Variants in PDE7B observed in about 807,000 individuals in gnomAD.
PDE7B encodes 3',5'-cyclic-AMP phosphodiesterase 7B.
PDE7B carries 29 observed loss-of-function variants against 56.2 expected under a neutral mutation model. The ratio of observed to expected loss-of-function variants is 0.52; its 90% CI spans 0.38 to 0.70. PDE7B has a LOEUF of 0.70. PDE7B is among the 30% of genes least tolerant of loss of function. The pLI, the probability that PDE7B is intolerant of heterozygous loss-of-function variation, is 0.00. For synonymous variants in PDE7B, 197 were observed against 196.9 expected, an observed-to-expected ratio of 1.00 and a Z score of 0.00; for missense variants, 490 against 565.0, an observed-to-expected ratio of 0.87 and a Z score of 1.35.
rs140256372 is a variant in PDE7B at position 135,882,764 on chromosome 6, T to C, written c.21+30745T>C. The stretch of plus-strand genomic sequence containing the variant: ...GACTTGTAATTTCTATTTTGTTAAC[T>C]ATATCTGTTATGCTGAGAATAACAG... On this transcript the variant is annotated intron_variant, in intron 1 of 12. Transcript: ENST00000308191. Among the ~76,000 whole-genome samples, 47 of 152,346 alleles carry C rather than the reference T, an allele frequency of 3.1e-4. 1 individual carries two copies. The highest frequency in any genetic ancestry group is 1.0e-3 in the African/African-American group (42 of 41,586).
intron 1 of PDE7B, among the ~76,000 whole-genome samples, chr6:135,939,356 G>A (rs1478394743): frequency 6.6e-6 from 1 of 152,128 alleles, no homozygotes. Flanking sequence ...GGACGATGAG[G>A]CCCTGATTTG....
At chr6:135,861,108 G>A (rs1056783633) in intron 1 of PDE7B, among the ~76,000 whole-genome samples, 1 of 151,758 alleles carries the variant, frequency 6.6e-6, no homozygotes, top group African/African-American at 2.4e-5. Context: ...TGAATACACG[G>A]TATTTACCAT....
chr6:135,933,724 A>AAC (rs1774334265), intron 1 of PDE7B, among the ~76,000 whole-genome samples: 1 of 151,876 alleles, frequency 6.6e-6, no homozygotes, highest in Admixed American at 6.6e-5. Context: ...TTAAATGATG[A>AAC]ATATGTCATA....
intron 1 of PDE7B, among the ~76,000 whole-genome samples, chr6:135,899,102 A>G (rs1775952853): frequency 1.3e-5 from 2 of 152,098 alleles, no homozygotes; most frequent in African/African-American, 4.8e-5. Flanking sequence ...TCCTGCCATC[A>G]TGTAAGATGT....
At chr6:135,885,418 T>A (rs1378754334) in intron 1 of PDE7B, among the ~76,000 whole-genome samples, 1 of 151,930 alleles carries the variant, frequency 6.6e-6, no homozygotes. Flanking sequence ...CTCTCGGGCA[T>A]CATCAGTCCA....
intron 1 of PDE7B, among the ~76,000 whole-genome samples, chr6:135,895,654 T>G (rs1195088377): frequency 6.6e-6 from 1 of 152,106 alleles, no homozygotes; most frequent in Non-Finnish European, 1.5e-5. Flanking sequence ...GTAGACTCAT[T>G]GCAACCTGGG....
intron 2 of PDE7B, among the ~76,000 whole-genome samples, chr6:136,056,158 G>C (rs1776726648): frequency 6.6e-6 from 1 of 152,158 alleles, no homozygotes; most frequent in Non-Finnish European, 1.5e-5. Flanking sequence ...ACTTCTTAGA[G>C]GTGAGCTGCT....
intron 1 of PDE7B, among the ~76,000 whole-genome samples, chr6:135,947,095 G>A (rs1168751370): frequency 6.6e-6 from 1 of 152,016 alleles, no homozygotes; most frequent in Non-Finnish European, 1.5e-5. Context: ...AGAATAATAT[G>A]GGAGATGAAT....
At chr6:135,860,930 T>C (rs910790191) in intron 1 of PDE7B, among the ~76,000 whole-genome samples, 2 of 151,842 alleles carry the variant, frequency 1.3e-5, no homozygotes, top group South Asian at 2.1e-4. Context: ...AACCCCTACA[T>C]AGAAGTCAAG....
At position 135,947,520 on chromosome 6, in the gene PDE7B, G is replaced by T; in HGVS notation, c.78G>T (p.Met26Ile). The T allele has an allele frequency of 1.2e-6, 2 of 1,606,948 alleles. No homozygotes were observed. The highest frequency in any genetic ancestry group is 2.2e-5 in the South Asian group (2 of 90,926). ...ATCAGAATGCCAAATGTGTTTGCAT[G>T]CTGGGTAAGAAGGCTTCTCATTTTA... ...NPDQNAKCVC[M>I]LGDIRLRGQT... Residue 26 changes from methionine to isoleucine, a missense_variant, in exon 2 of 13, where the codon ATG becomes ATT. Met to Ile is a conservative substitution (Grantham distance 10). Transcript: ENST00000308191.
chr6:135,981,255 AG>A (rs1179968370), intron 2 of PDE7B, among the ~76,000 whole-genome samples: 1 of 126,388 alleles, frequency 7.9e-6, no homozygotes, highest in African/African-American at 3.0e-5. Flanking sequence ...GGACACAGGA[AG>A]GGGAACATCA....
intron 3 of PDE7B, among the ~76,000 whole-genome samples, chr6:136,138,482 G>C (rs891821267): frequency 4.6e-5 from 7 of 151,922 alleles, no homozygotes; most frequent in African/African-American, 1.5e-4. Flanking sequence ...AATAACACTC[G>C]ATAAGTTATT....
chr6:135,987,415 T>G (rs77521318), intron 2 of PDE7B, among the ~76,000 whole-genome samples: 5,815 of 152,144 alleles, frequency 0.038, 345 homozygotes, highest in African/African-American at 0.13. Context: ...CTGGATTTGC[T>G]GACTAGGGGG....
chr6:136,155,992 C>A, intron 8 of PDE7B: 5 of 639,922 alleles, frequency 7.8e-6, no homozygotes, highest in South Asian at 1.6e-5. Flanking sequence ...TAGCTCATGT[C>A]GATACAATTG....
At chr6:136,082,970 G>C (rs1206729708) in intron 2 of PDE7B, among the ~76,000 whole-genome samples, 1 of 152,214 alleles carries the variant, frequency 6.6e-6, no homozygotes, top group Non-Finnish European at 1.5e-5. Context: ...TAAATATAAA[G>C]ATTGAAGAGG....
At chr6:136,056,512 CTTTTTTTTTTTTTTTTTT>C (rs542232291) in intron 2 of PDE7B, among the ~76,000 whole-genome samples, 43 of 53,944 alleles carry the variant, frequency 8.0e-4, no homozygotes, top group Admixed American at 4.1e-3. Flanking sequence ...AGATAGAATC[CTTTTTTTTTTTTTTTTTT>C]TTTTTTTTTT....
intron 8 of PDE7B, 81 bp downstream of exon 8, chr6:136,155,839 G>A (rs1247911718): frequency 2.8e-5 from 39 of 1,417,248 alleles, no homozygotes; most frequent in Non-Finnish European, 3.9e-5. Context: ...CTTGCCCATG[G>A]AGAAAGCCTT....
At chr6:136,085,972 G>A (rs1777285292) in intron 2 of PDE7B, among the ~76,000 whole-genome samples, 1 of 152,170 alleles carries the variant, frequency 6.6e-6, no homozygotes, top group Admixed American at 6.5e-5. Context: ...TCCTTAGAAT[G>A]TTTGCCCATC....
Position 136,192,121 on chromosome 6 carries a change from A to T in PDE7B, c.*281A>T, listed in dbSNP as rs572057749. Reference sequence around the variant, plus strand: ...CTCCCTGCTCCAGGAGAAGACTAGGAGGAAGAATGAGGTGCTCCTGCCGTG... The same window carrying T: ...CTCCCTGCTCCAGGAGAAGACTAGGTGGAAGAATGAGGTGCTCCTGCCGTG... On this transcript the variant is annotated 3_prime_UTR_variant, in exon 13 of 13. Transcript: ENST00000308191. 1 of 461,024 alleles carries T rather than the reference A, an allele frequency of 2.2e-6. No individual in the cohort carries two copies. The highest frequency in any genetic ancestry group is 2.3e-5 in the South Asian group (1 of 43,080). The allele number at this position is 461,024 out of a possible 1,614,324, so 28.6% of individuals were successfully genotyped here.
Sources: allele counts gnomAD v4.1 joint callset (sites outside exome capture counted in the v4.1 genomes callset), GRCh38; gene constraint gnomAD v4.1.1; transcripts MANE v1.5; gene names NCBI Gene and HGNC (gene_info 2026-07-23, HGNC 2026-07-21).